Variants in EMSY observed in about 807,000 individuals in gnomAD.
EMSY encodes the protein EMSY transcriptional repressor, BRCA2 interacting.
A neutral mutation model predicts 134.6 loss-of-function variants in EMSY; 26 were observed. That is an observed-to-expected ratio of 0.19 (90% CI 0.14 to 0.27). The LOEUF (loss-of-function observed/expected upper bound fraction) is 0.27, where lower values mean the gene tolerates loss of function less well. Ranked by LOEUF, EMSY falls within the 10% of genes least tolerant of loss-of-function variation. EMSY has a pLI of 1.00. For synonymous variants in EMSY, 579 were observed against 577.8 expected (o/e 1.00, Z -0.03); for missense variants, 1,305 against 1,611.4 (o/e 0.81, Z 3.26).
At chr11:76,479,327 C>T (rs551415489) in intron 8 of EMSY, among the ~76,000 whole-genome samples, 2 of 152,178 alleles carry the variant, frequency 1.3e-5, no homozygotes, top group Non-Finnish European at 2.9e-5. Flanking sequence ...GTTTATTCAG[C>T]GTTCCCAAGG....
chr11:76,546,974 A>G (rs1448314181), intron 20 of EMSY: 1 of 421,962 alleles, frequency 2.4e-6, no homozygotes, highest in African/African-American at 2.1e-5. Context: ...TTGATAATAG[A>G]TGGTACCTCA....
At chr11:76,468,093 C>T (rs551109587) in intron 7 of EMSY, among the ~76,000 whole-genome samples, 78 of 151,852 alleles carry the variant, frequency 5.1e-4, no homozygotes, top group South Asian at 4.6e-3. Context: ...GCTAAAAATA[C>T]GTGTAGTAGA....
exon 5 of EMSY, chr11:76,458,275 C>T (rs2135019440): frequency 6.2e-7 from 1 of 1,614,122 alleles, no homozygotes; most frequent in Non-Finnish European, 8.5e-7. Flanking sequence ...ACCGCCTTTA[C>T]TGTAACAGCT....
chr11:76,449,130 T>C (rs1947546875), intron 2 of EMSY, among the ~76,000 whole-genome samples: 1 of 152,192 alleles, frequency 6.6e-6, no homozygotes, highest in South Asian at 2.1e-4. Context: ...TGTTCATATG[T>C]GTTTGTTATT....
At chr11:76,543,627 T>C (rs1457904644) in intron 18 of EMSY, among the ~76,000 whole-genome samples, 1 of 152,224 alleles carries the variant, frequency 6.6e-6, no homozygotes, top group Non-Finnish European at 1.5e-5. Flanking sequence ...ACAGGAATGC[T>C]GTTGTCCCCT....
intron 9 of EMSY, chr11:76,496,773 T>G (rs1389056155): frequency 2.6e-6 from 1 of 388,604 alleles, no homozygotes; most frequent in African/African-American, 2.1e-5. Context: ...ACTCACTTGT[T>G]CTCAGAGTAT....
At chr11:76,550,376 CA>C in exon 21 of EMSY, 1 of 337,828 alleles carries the variant, frequency 3.0e-6, no homozygotes, top group East Asian at 4.6e-5. Context: ...AAAAGCTGCA[CA>C]TTTACAGTGA....
chr11:76,503,902 A>T (rs1025951206), intron 9 of EMSY, among the ~76,000 whole-genome samples: 26 of 151,876 alleles, frequency 1.7e-4, no homozygotes, highest in African/African-American at 6.3e-4. Flanking sequence ...CTCCTGCTTC[A>T]GCCTCCCGAG....
downstream of EMSY, chr11:76,551,934 A>T (rs1951845897): frequency 6.6e-6 from 1 of 152,144 alleles, no homozygotes; most frequent in African/African-American, 2.4e-5. Flanking sequence ...ATATTCATGG[A>T]TCAAGTAACA....
chr11:76,516,830 T>C (rs1260562025), intron 11 of EMSY: 1 of 152,196 alleles, frequency 6.6e-6, no homozygotes, highest in Non-Finnish European at 1.5e-5. Context: ...AATAAAAATA[T>C]TTGAATACTT....
chr11:76,445,775 C>G (rs980772054), intron 1 of EMSY, among the ~76,000 whole-genome samples: 1 of 152,090 alleles, frequency 6.6e-6, no homozygotes, highest in Non-Finnish European at 1.5e-5. Context: ...AAGATCCTGT[C>G]GGGAGGCGGG....
At position 76,460,103 on chromosome 11, in the gene EMSY, T is replaced by C. The variant is rs913275147; in HGVS notation, c.571+18T>C. 3.1e-6 allele frequency: 5 copies of C among 1,613,634 alleles called. No homozygotes were observed. In the African/African-American group the frequency reaches 6.7e-5, roughly 22 times the overall value. ...TGTCAAAAGTAAGTGATATTCTCAG[T>C]GTTATCAGGGCCTTCTTGGCTAAAT... On this transcript the variant is annotated intron_variant, in intron 6 of 20. Coordinates refer to ENST00000334736, the Ensembl canonical transcript of EMSY.
At chr11:76,455,540 C>T (rs1947836370) in intron 4 of EMSY, among the ~76,000 whole-genome samples, 1 of 151,948 alleles carries the variant, frequency 6.6e-6, no homozygotes, top group Admixed American at 6.6e-5. Context: ...GACTGCATTC[C>T]CTTTCTCCTC....
At chr11:76,526,542 T>G (rs751440825) in exon 13 of EMSY, 4 of 1,613,858 alleles carry the variant, frequency 2.5e-6, no homozygotes, top group Non-Finnish European at 3.4e-6. Context: ...CCAAAATGAT[T>G]GTAACGCAGC....
chr11:76,487,965 A>G (rs1398530821), intron 8 of EMSY, among the ~76,000 whole-genome samples: 1 of 152,204 alleles, frequency 6.6e-6, no homozygotes, highest in Non-Finnish European at 1.5e-5. Context: ...ACATTTATGC[A>G]TTATCTTTCC....
intron 9 of EMSY, among the ~76,000 whole-genome samples, chr11:76,499,433 G>T (rs771505055): frequency 1.3e-5 from 2 of 151,272 alleles, no homozygotes; most frequent in African/African-American, 4.9e-5. Flanking sequence ...GACTACAGGC[G>T]CCTGCCACCA....
rs1949502729 is a variant in EMSY, at chr11:76,493,380, G to A, written c.1109-2835G>A. 2.0e-5 allele frequency among the ~76,000 whole-genome samples: 3 copies of A among 152,182 alleles called. No homozygotes were observed. The South Asian group carries it at 6.2e-4, about 31-fold the overall frequency. On this transcript the variant is annotated intron_variant, in intron 8 of 20. Coordinates refer to ENST00000334736, the Ensembl canonical transcript of EMSY. ...GATTGATGGCAGCAGGAGGCAGACAGGCTCGTGAGTGCAAAGGGGTGGGTC... is the reference window on the plus strand; with the variant it reads ...GATTGATGGCAGCAGGAGGCAGACAAGCTCGTGAGTGCAAAGGGGTGGGTC...
chr11:76,538,196 C>T (rs998396095), intron 16 of EMSY, among the ~76,000 whole-genome samples: 1 of 152,128 alleles, frequency 6.6e-6, no homozygotes, highest in African/African-American at 2.4e-5. Flanking sequence ...TGTGAATATA[C>T]AGCAACAGTT....
In EMSY at chr11:76,544,772, C is replaced by A. The variant is rs369175595; in HGVS notation, c.3223C>A (p.Gln1075Lys). The A allele has an allele frequency of 5.0e-6, 8 of 1,614,076 alleles. No individual in the cohort carries two copies. Among genetic ancestry groups the A allele is most frequent in the South Asian group, 1.1e-5 (1 of 91,084 alleles). The stretch of plus-strand genomic sequence containing the variant: ...AATCTACGTGCAACCCCAAACCCCC[C>A]AGAGCCAAATGTCGCTCCCAGCTTC... The change falls in exon 19 of 21, where the codon CAG (glutamine) becomes AAG (lysine). Residue 1075 changes from glutamine (Q) to lysine (K), a missense_variant. Physicochemically the swap from Gln to Lys is moderately conservative, Grantham distance 53. Transcript: ENST00000334736.
Sources: allele counts gnomAD v4.1 joint callset (sites outside exome capture counted in the v4.1 genomes callset), GRCh38; gene constraint gnomAD v4.1.1; transcripts MANE v1.5; gene names NCBI Gene and HGNC (gene_info 2026-07-23, HGNC 2026-07-21).